Variants in MAPK10 observed in about 807,000 individuals in gnomAD.
MAPK10 encodes mitogen-activated protein kinase 10.
In MAPK10, 25 loss-of-function variants were observed where a neutral mutation model predicts 59.3. The ratio of observed to expected loss-of-function variants is 0.42; its 90% CI spans 0.31 to 0.59. The LOEUF is 0.59. Ranked by LOEUF, MAPK10 falls within the 20% of genes least tolerant of loss-of-function variation. The pLI is 0.15. For synonymous variants in MAPK10, 190 were observed against 200.5 expected (o/e 0.95, Z 0.44); for missense variants, 351 against 568.9 (o/e 0.62, Z 3.90).
Position 86,412,751 on chromosome 4 carries a change from C to T in MAPK10, c.-122+40279G>A, listed in dbSNP as rs189060532. ...CTCGTGCTGTGGTTTTCAACTCCAT[C>T]GGGTCATTTAAGGTCTTCTCTACAC... On this transcript the variant is annotated intron_variant, in intron 1 of 13. Coordinates refer to the MAPK10 transcript ENST00000361569. Among the ~76,000 whole-genome samples, 28 of 152,286 alleles carry T rather than the reference C, an allele frequency of 1.8e-4. No individual in the cohort carries two copies. In the South Asian group the frequency reaches 3.9e-3, roughly 21 times the overall value.
At chr4:86,448,235 TTTAA>T (rs992887910) in intron 1 of MAPK10, among the ~76,000 whole-genome samples, 4 of 152,188 alleles carry the variant, frequency 2.6e-5, no homozygotes, top group African/African-American at 9.6e-5. Flanking sequence ...GTACCACACT[TTTAA>T]TTAATATAGC....
chr4:86,573,723 T>C (rs1761641440), intron 1 of MAPK10, among the ~76,000 whole-genome samples: 1 of 152,194 alleles, frequency 6.6e-6, no homozygotes, highest in Non-Finnish European at 1.5e-5. Flanking sequence ...AAACGTGATA[T>C]GTCTCTCCAC....
intron 4 of MAPK10, among the ~76,000 whole-genome samples, chr4:86,154,444 A>G (rs2067202714): frequency 6.6e-6 from 1 of 152,152 alleles, no homozygotes; most frequent in South Asian, 2.1e-4. Context: ...ATTAAATCCC[A>G]TGCTCTTAAC....
intron 13 of MAPK10, chr4:86,023,843 A>G (rs1748716827): frequency 7.4e-6 from 1 of 135,240 alleles, no homozygotes; most frequent in African/African-American, 3.1e-5. Context: ...ATATATATAT[A>G]TATATATAAA....
At chr4:86,263,707 G>A (rs1017831947) in intron 2 of MAPK10, among the ~76,000 whole-genome samples, 1 of 152,188 alleles carries the variant, frequency 6.6e-6, no homozygotes, top group African/African-American at 2.4e-5. Flanking sequence ...TGAGTAAGTT[G>A]ACAAAACTCT....
chr4:86,338,041 C>G (rs2148930849), intron 2 of MAPK10, among the ~76,000 whole-genome samples: 1 of 152,266 alleles, frequency 6.6e-6, no homozygotes, highest in Admixed American at 6.5e-5. Flanking sequence ...AAAATAATAT[C>G]TTAGATTTGC....
intron 2 of MAPK10, among the ~76,000 whole-genome samples, chr4:86,226,890 T>C (rs1223309686): frequency 6.6e-6 from 1 of 152,240 alleles, no homozygotes; most frequent in African/African-American, 2.4e-5. Flanking sequence ...CAAATGATTA[T>C]AGGTCCTCTA....
chr4:86,303,310 T>C (rs1321762651), intron 2 of MAPK10, among the ~76,000 whole-genome samples: 2 of 152,190 alleles, frequency 1.3e-5, no homozygotes, highest in African/African-American at 2.4e-5. Context: ...TTATCAACAA[T>C]TGCTAAAATA....
chr4:86,188,307 T>G (rs940545807), intron 3 of MAPK10, among the ~76,000 whole-genome samples: 7 of 152,150 alleles, frequency 4.6e-5, no homozygotes, highest in Admixed American at 1.3e-4. Flanking sequence ...TTCTAGATCC[T>G]TGAGGAATCA....
intron 1 of MAPK10, among the ~76,000 whole-genome samples, chr4:86,427,476 T>G (rs1243594471): frequency 6.6e-6 from 1 of 152,162 alleles, no homozygotes; most frequent in Non-Finnish European, 1.5e-5. Context: ...GCGTTTCTTG[T>G]CTTCATCAGA....
intron 8 of MAPK10, 83 bp from the exon 9 acceptor site, chr4:86,098,678 A>G: frequency 2.6e-6 from 3 of 1,160,742 alleles, no homozygotes; most frequent in Non-Finnish European, 3.8e-6. Flanking sequence ...GGAGGAGGAA[A>G]AAGAACAGTT....
chr4:86,031,833 G>C (rs1025870399), intron 11 of MAPK10: 10 of 159,980 alleles, frequency 6.3e-5, no homozygotes, highest in African/African-American at 2.4e-4. Context: ...AATTCTTCTA[G>C]GCTAATAAGA....
intron 4 of MAPK10, among the ~76,000 whole-genome samples, chr4:86,129,590 C>T (rs1054915250): frequency 2.6e-5 from 4 of 152,110 alleles, no homozygotes; most frequent in African/African-American, 9.7e-5. Context: ...TTTCTTTGCA[C>T]AATTACCTAA....
intron 3 of MAPK10, among the ~76,000 whole-genome samples, chr4:86,171,518 A>G (rs963081186): frequency 6.6e-6 from 1 of 152,156 alleles, no homozygotes; most frequent in Admixed American, 6.5e-5. Flanking sequence ...GAAACTGGCT[A>G]GCCATATGTA....
chr4:86,424,531 C>T (rs1288390254), intron 1 of MAPK10, among the ~76,000 whole-genome samples: 1 of 152,076 alleles, frequency 6.6e-6, no homozygotes, highest in Non-Finnish European at 1.5e-5. Context: ...ACCAATTTGA[C>T]TCAACTTAGG....
intron 10 of MAPK10, chr4:86,064,672 T>A (rs2046377197): frequency 5.6e-6 from 2 of 358,604 alleles, no homozygotes; most frequent in Non-Finnish European, 1.0e-5. Context: ...AGAGTTTATG[T>A]AAGCAAAGTC....
chr4:86,487,112 T>C (rs1754053789), intron 1 of MAPK10, among the ~76,000 whole-genome samples: 1 of 152,116 alleles, frequency 6.6e-6, no homozygotes, highest in South Asian at 2.1e-4. Flanking sequence ...CAATGCAGGA[T>C]CCTATGCTGG....
At chr4:86,240,857 A>G (rs973833074) in intron 2 of MAPK10, among the ~76,000 whole-genome samples, 2 of 152,058 alleles carry the variant, frequency 1.3e-5, no homozygotes, top group African/African-American at 4.8e-5. Flanking sequence ...TAGTATTGTT[A>G]TATGTGAATT....
chr4:86,230,219 AT>A lies in MAPK10; in HGVS notation c.-6-35813del, dbSNP rs565919790. 1.3e-3 allele frequency among the ~76,000 whole-genome samples: 191 copies of A among 152,372 alleles called. 2 individuals carry two copies. The highest frequency in any genetic ancestry group is 2.0e-3 in the African/African-American group (84 of 41,598). ...ATATACAATTTGATTGATTAAAAAA[AT>A]ATTTCTCATTGAGTACTGTGTTTCA... On this transcript the variant is annotated intron_variant, in intron 2 of 13. Coordinates refer to ENST00000641462, the MANE Select transcript of MAPK10 (RefSeq NM_138982.4).
Sources: gnomAD v4.1 joint callset for allele counts (sites outside exome capture counted in the v4.1 genomes callset) on GRCh38, gnomAD v4.1.1 for gene constraint, MANE v1.5 for transcripts, NCBI Gene and HGNC (gene_info 2026-07-23, HGNC 2026-07-21) for gene names.